The following APBA1 variants were observed in gnomAD, a reference collection of about 807,000 sequenced individuals.
The protein encoded by APBA1 is amyloid beta precursor protein binding family A member 1, also known as amyloid-beta A4 precursor protein-binding family A member 1.
A neutral mutation model predicts 86.6 loss-of-function variants in APBA1; 55 were observed. The ratio of observed to expected loss-of-function variants is 0.64; its 90% confidence interval spans 0.51 to 0.80. APBA1 has a LOEUF of 0.80. APBA1 is among the 30% of genes least tolerant of loss of function. The pLI is 0.00. For missense variants in APBA1, 1,090 were observed against 1,183.0 expected, an observed-to-expected ratio of 0.92 and a Z score of 1.15; for synonymous variants, 511 against 493.9, an observed-to-expected ratio of 1.03 and a Z score of -0.46.
At chr9:69,634,509 T>C (rs1410256185) in intron 1 of APBA1, among the ~76,000 whole-genome samples, 1 of 152,120 alleles carries the variant, frequency 6.6e-6, no homozygotes, top group Non-Finnish European at 1.5e-5. Context: ...CTAAGAGTAA[T>C]TGGCTTAAAA....
chr9:69,464,531 C>T (rs1282725050), intron 5 of APBA1: 1 of 152,162 alleles, frequency 6.6e-6, no homozygotes, highest in Non-Finnish European at 1.5e-5. Context: ...CTTGGTTGTT[C>T]TGATCAACAG....
At chr9:69,621,408 C>T (rs1376284331) in intron 1 of APBA1, among the ~76,000 whole-genome samples, 1 of 152,176 alleles carries the variant, frequency 6.6e-6, no homozygotes, top group Non-Finnish European at 1.5e-5. Flanking sequence ...TGTCCAACCA[C>T]CTTTCCAGTC....
intron 10 of APBA1, among the ~76,000 whole-genome samples, chr9:69,443,033 G>A (rs771288341): frequency 1.3e-5 from 2 of 152,188 alleles, no homozygotes; most frequent in East Asian, 3.8e-4. Flanking sequence ...TACAGGATAT[G>A]CTTTAGATTG....
At chr9:69,604,848 G>A (rs1822439377) in intron 1 of APBA1, among the ~76,000 whole-genome samples, 1 of 151,004 alleles carries the variant, frequency 6.6e-6, no homozygotes, top group African/African-American at 2.4e-5. Context: ...GAGGGTAAGA[G>A]GAGAGGCATA....
chr9:69,432,880 GCA>G (rs1564026522), intron 11 of APBA1, among the ~76,000 whole-genome samples: 1 of 152,216 alleles, frequency 6.6e-6, no homozygotes, highest in African/African-American at 2.4e-5. Flanking sequence ...CATGCGGCTT[GCA>G]CAGAGACTGT....
chr9:69,580,095 T>G (rs1821885320), intron 1 of APBA1, among the ~76,000 whole-genome samples: 1 of 152,172 alleles, frequency 6.6e-6, no homozygotes, highest in Admixed American at 6.5e-5. Flanking sequence ...CAAGAACATG[T>G]GAGGAGATGG....
chr9:69,452,528 C>A (rs1340688830), intron 8 of APBA1, among the ~76,000 whole-genome samples: 2 of 152,212 alleles, frequency 1.3e-5, no homozygotes, highest in Non-Finnish European at 2.9e-5. Flanking sequence ...AGGGAGCTAC[C>A]GGCATTCAGC....
chr9:69,441,151 C>A (rs1046022670), intron 10 of APBA1, 36 bp from the exon 11 acceptor site: 2 of 1,594,664 alleles, frequency 1.3e-6, no homozygotes, highest in Non-Finnish European at 1.7e-6. Flanking sequence ...GTATGGTGAC[C>A]ACTGAGGCAG....
chr9:69,669,993 T>C (rs1823916463), intron 1 of APBA1, among the ~76,000 whole-genome samples: 1 of 152,206 alleles, frequency 6.6e-6, no homozygotes, highest in Non-Finnish European at 1.5e-5. Context: ...TCTCTTAGAA[T>C]GGCTTTTAAA....
intron 1 of APBA1, among the ~76,000 whole-genome samples, chr9:69,590,026 A>G (rs1822099707): frequency 6.6e-6 from 1 of 152,100 alleles, no homozygotes; most frequent in Non-Finnish European, 1.5e-5. Flanking sequence ...CCTCCTTCCC[A>G]AAACTCACCC....
In APBA1 at chr9:69,540,153, CAACA is replaced by C. The variant is rs371641294; in HGVS notation, c.-69-22878_-69-22875del. Among the ~76,000 whole-genome samples, 1,103 of 151,806 alleles carry C rather than the reference CAACA, an allele frequency of 7.3e-3. 10 individuals carry two copies. Among genetic ancestry groups the C allele is most frequent in the African/African-American group, 0.025 (1,026 of 41,252 alleles). On this transcript the variant is annotated intron_variant, in intron 1 of 12. Transcript: ENST00000265381. ...ACAACAACAACAACAACAACAACAA[CAACA>C]AAAGTCACCTTATAAGACATGCTCC...
chr9:69,502,442 C>A (rs1019283215), intron 2 of APBA1, among the ~76,000 whole-genome samples: 1 of 151,848 alleles, frequency 6.6e-6, no homozygotes, highest in African/African-American at 2.4e-5. Flanking sequence ...TGAAATGAAT[C>A]ATTTGTTCTT....
At chr9:69,490,458 AAAACTT>A (rs1236133514) in intron 2 of APBA1, among the ~76,000 whole-genome samples, 1 of 151,980 alleles carries the variant, frequency 6.6e-6, no homozygotes, top group Non-Finnish European at 1.5e-5. Flanking sequence ...CATGTACCCT[AAAACTT>A]AAAGTATAAT....
chr9:69,524,574 C>T (rs1836313043), intron 1 of APBA1, among the ~76,000 whole-genome samples: 1 of 148,610 alleles, frequency 6.7e-6, no homozygotes, highest in Non-Finnish European at 1.5e-5. Flanking sequence ...AAAACTGAAT[C>T]AGTAATACAA....
intron 1 of APBA1, among the ~76,000 whole-genome samples, chr9:69,631,209 G>GA (rs746230190): frequency 1.2e-3 from 178 of 152,204 alleles, no homozygotes; most frequent in Middle Eastern, 3.4e-3. Context: ...AAATTTACAA[G>GA]AAAAAATCAA....
At chr9:69,662,486 GGTT>G (rs1823772066) in intron 1 of APBA1, among the ~76,000 whole-genome samples, 1 of 152,076 alleles carries the variant, frequency 6.6e-6, no homozygotes, top group Non-Finnish European at 1.5e-5. Flanking sequence ...CATAAGATTA[GGTT>G]AAGCTTTCAT....
At chr9:69,543,292 G>A (rs950091811) in intron 1 of APBA1, among the ~76,000 whole-genome samples, 12 of 115,206 alleles carry the variant, frequency 1.0e-4, no homozygotes, top group African/African-American at 1.6e-4. Context: ...CCCCCCCCCC[G>A]GCCTGTCCTC....
intron 1 of APBA1, among the ~76,000 whole-genome samples, chr9:69,539,666 G>A (rs189622568): frequency 1.3e-5 from 2 of 152,046 alleles, no homozygotes; most frequent in African/African-American, 2.4e-5. Flanking sequence ...CAGCGTCTAC[G>A]CTCCTCCTGT....
chr9:69,520,883 T>A (rs148535132), intron 1 of APBA1, among the ~76,000 whole-genome samples: 2 of 152,286 alleles, frequency 1.3e-5, no homozygotes, highest in East Asian at 3.9e-4. Flanking sequence ...TGACTCTGAT[T>A]TATCAGCCCC....
Sources: gnomAD v4.1 joint callset for allele counts (sites outside exome capture counted in the v4.1 genomes callset) on GRCh38, gnomAD v4.1.1 for gene constraint, MANE v1.5 for transcripts, NCBI Gene and HGNC (gene_info 2026-07-23, HGNC 2026-07-21) for gene names.